The following KCNH5 variants were observed in gnomAD, a reference collection of about 807,000 sequenced individuals.
The protein encoded by KCNH5 is potassium voltage-gated channel subfamily H member 5.
A neutral mutation model predicts 96.1 loss-of-function variants in KCNH5; 46 were observed. The observed-to-expected ratio is 0.48, with a 90% confidence interval of 0.38 to 0.61. The LOEUF (loss-of-function observed/expected upper bound fraction) is 0.61, where lower values mean the gene tolerates loss of function less well. Ranked by LOEUF, KCNH5 falls within the 20% of genes least tolerant of loss-of-function variation. The pLI is 0.00. For missense variants in KCNH5, 907 were observed against 1,225.8 expected, an observed-to-expected ratio of 0.74 and a Z score of 3.88; for synonymous variants, 439 against 449.8, an observed-to-expected ratio of 0.98 and a Z score of 0.30.
intron 8 of KCNH5, among the ~76,000 whole-genome samples, chr14:62,832,340 A>G (rs1018462891): frequency 1.3e-5 from 2 of 152,094 alleles, no homozygotes; most frequent in African/African-American, 4.8e-5. Flanking sequence ...AGATACCTCA[A>G]ATAAGTGGTA....
At chr14:62,824,572 A>G (rs1389598850) in intron 8 of KCNH5, among the ~76,000 whole-genome samples, 1 of 152,100 alleles carries the variant, frequency 6.6e-6, no homozygotes, top group Non-Finnish European at 1.5e-5. Context: ...GCTTAATTTA[A>G]AAGTCCACAA....
intron 7 of KCNH5, among the ~76,000 whole-genome samples, chr14:62,896,515 G>GA (rs1289416692): frequency 6.6e-6 from 1 of 152,112 alleles, no homozygotes; most frequent in African/African-American, 2.4e-5. Context: ...AAAGGAAAAG[G>GA]AAAAATAGAT....
chr14:62,876,163 T>C (rs1336751295), intron 7 of KCNH5, among the ~76,000 whole-genome samples: 1 of 152,132 alleles, frequency 6.6e-6, no homozygotes, highest in African/African-American at 2.4e-5. Flanking sequence ...TGAGACTCTG[T>C]CTAAAAAAAC....
intron 7 of KCNH5, among the ~76,000 whole-genome samples, chr14:62,917,078 T>C (rs1299684911): frequency 6.6e-6 from 1 of 152,214 alleles, no homozygotes; most frequent in Non-Finnish European, 1.5e-5. Context: ...AACTGCAACT[T>C]ACTCTATAGT....
At chr14:62,891,692 G>A (rs916997417) in intron 7 of KCNH5, among the ~76,000 whole-genome samples, 1 of 152,146 alleles carries the variant, frequency 6.6e-6, no homozygotes, top group Non-Finnish European at 1.5e-5. Context: ...CATCAAGCAA[G>A]TCTATTGATG....
intron 2 of KCNH5, among the ~76,000 whole-genome samples, chr14:63,009,610 C>T (rs1891188695): frequency 6.6e-6 from 1 of 152,108 alleles, no homozygotes; most frequent in Non-Finnish European, 1.5e-5. Flanking sequence ...TCAAAACAGA[C>T]TATAAAGAAT....
intron 7 of KCNH5, among the ~76,000 whole-genome samples, chr14:62,898,180 A>C (rs1158789712): frequency 6.6e-6 from 1 of 152,214 alleles, no homozygotes; most frequent in African/African-American, 2.4e-5. Flanking sequence ...ATTCTAAGAC[A>C]TTTTAGAAAG....
At chr14:62,962,167 CTGAATCTTCTA>C (rs1169190857) in intron 6 of KCNH5, among the ~76,000 whole-genome samples, 1 of 152,130 alleles carries the variant, frequency 6.6e-6, no homozygotes, top group Non-Finnish European at 1.5e-5. Context: ...CCCAGCCATC[CTGAATCTTCTA>C]TGAAAATGAA....
chr14:62,981,213 T>C lies in KCNH5; in HGVS notation c.601A>G (p.Lys201Glu), dbSNP rs765499791. Residue 201 changes from lysine to glutamate, a missense_variant, in exon 6 of 11, where the codon AAG (lysine) becomes GAG (glutamate). Physicochemically the swap from Lys to Glu is moderately conservative, Grantham distance 56 (BLOSUM62 1). This residue lies in a region of KCNH5 where 370 missense variants were observed against 561.3 expected (regional missense o/e 0.66). Transcript: ENST00000322893. ...TGTAAAATAATGTGTGGTGGCGTCT[T>C]TGGCGCTTCTTGTTTATACTGAGGA... ...ILPQYKQEAP[K>E]TPPHIILHYC... 1 of 1,614,148 alleles carries C rather than the reference T, an allele frequency of 6.2e-7. No homozygotes were observed. Among genetic ancestry groups the C allele is most frequent in the Non-Finnish European group, 8.5e-7 (1 of 1,179,998 alleles).
At chr14:63,016,554 A>T (rs1052429913) in intron 2 of KCNH5, among the ~76,000 whole-genome samples, 3 of 152,096 alleles carry the variant, frequency 2.0e-5, no homozygotes, top group African/African-American at 7.2e-5. Context: ...ATTACTCAGC[A>T]TCTAGACTAT....
At chr14:62,893,460 A>G (rs1370817225) in intron 7 of KCNH5, among the ~76,000 whole-genome samples, 1 of 152,222 alleles carries the variant, frequency 6.6e-6, no homozygotes, top group African/African-American at 2.4e-5. Flanking sequence ...TAAGATTTAG[A>G]ATAGTACATA....
chr14:62,757,424 G>T (rs1344266453), intron 10 of KCNH5, among the ~76,000 whole-genome samples: 2 of 152,208 alleles, frequency 1.3e-5, no homozygotes, highest in Middle Eastern at 3.4e-3. Flanking sequence ...ATATGATCTA[G>T]CACCCCCACT....
chr14:62,849,481 C>T (rs1183401342), intron 8 of KCNH5, among the ~76,000 whole-genome samples, 172 bp downstream of exon 8: 1 of 152,176 alleles, frequency 6.6e-6, no homozygotes, highest in Non-Finnish European at 1.5e-5. Flanking sequence ...TGGTTCAGTG[C>T]TTTGCACCTT....
chr14:62,980,238 G>A (rs1389262269), intron 6 of KCNH5, among the ~76,000 whole-genome samples: 4 of 152,184 alleles, frequency 2.6e-5, no homozygotes, highest in Non-Finnish European at 5.9e-5. Flanking sequence ...TTATAGCAGT[G>A]TGAAAATGGA....
intron 9 of KCNH5, among the ~76,000 whole-genome samples, chr14:62,784,347 G>T (rs957944473): frequency 5.9e-5 from 9 of 152,074 alleles, no homozygotes; most frequent in African/African-American, 2.2e-4. Context: ...GTGAGATTTG[G>T]GTGGAGAGAC....
Position 62,707,990 on chromosome 14 carries a change from T to G in KCNH5, c.2485A>C (p.Asn829His). ...ATTGACTCAGCTTTAGTGACATTAT[T>G]CCAGTCTTCCTTTTTCTCCTCATGG... is the stretch of plus-strand genomic sequence containing the variant. Reference protein sequence around the residue: ...GAHEEKKEDWNNVTKAESMGL... With the variant: ...GAHEEKKEDWHNVTKAESMGL... Residue 829 changes from asparagine to histidine, a missense_variant, in exon 11 of 11, where the codon AAT (asparagine) becomes CAT (histidine). Asn to His is a moderately conservative substitution (Grantham distance 68). Transcript: ENST00000322893. 2 of 1,614,206 alleles carry G rather than the reference T, an allele frequency of 1.2e-6. No individual in the cohort carries two copies. The highest frequency in any genetic ancestry group is 1.7e-6 in the Non-Finnish European group (2 of 1,180,028).
At chr14:62,881,563 C>G (rs1332709679) in intron 7 of KCNH5, among the ~76,000 whole-genome samples, 1 of 152,040 alleles carries the variant, frequency 6.6e-6, no homozygotes, top group African/African-American at 2.4e-5. Flanking sequence ...ATAATCTATA[C>G]AGCAAACCCC....
intron 8 of KCNH5, among the ~76,000 whole-genome samples, chr14:62,809,009 T>A (rs1886823228): frequency 6.6e-6 from 1 of 152,096 alleles, no homozygotes; most frequent in Non-Finnish European, 1.5e-5. Context: ...TTCATGAATA[T>A]CAAACAGAAC....
intron 7 of KCNH5, among the ~76,000 whole-genome samples, chr14:62,867,890 G>A (rs186093679): frequency 3.9e-4 from 60 of 152,190 alleles, no homozygotes; most frequent in African/African-American, 9.2e-4. Context: ...AAATGTCACC[G>A]TCTAAAACAG....
Sources: gnomAD v4.1 joint callset for allele counts (sites outside exome capture counted in the v4.1 genomes callset) on GRCh38, gnomAD v4.1.1 for gene constraint, gnomAD v4.1.1 regional missense constraint, MANE v1.5 for transcripts, NCBI Gene and HGNC (gene_info 2026-07-23, HGNC 2026-07-21) for gene names.